Variants in ARHGAP18 observed in about 807,000 individuals in gnomAD.
ARHGAP18 encodes the protein rho GTPase-activating protein 18.
In ARHGAP18, 67 loss-of-function variants were observed where a neutral mutation model predicts 86.2. That is an observed-to-expected ratio of 0.78 (90% CI 0.64 to 0.95). The LOEUF (loss-of-function observed/expected upper bound fraction) is 0.95. Among genes scored for constraint, ARHGAP18 ranks in the 40% least tolerant of loss-of-function variants. The probability of loss-of-function intolerance (pLI) is 0.00; values close to 1 mark genes in which losing one functional copy is unlikely to be tolerated. For synonymous variants in ARHGAP18, 283 were observed against 280.4 expected (o/e 1.01, Z -0.09); for missense variants, 691 against 780.4 (o/e 0.89, Z 1.37).
rs544088921 is a variant in ARHGAP18 at position 129,656,743 on chromosome 6, T to A, written c.114-14725A>T. Among the ~76,000 whole-genome samples the A allele has an allele frequency of 1.7e-3, 266 of 152,348 alleles. 1 individual carries two copies. The highest frequency in any genetic ancestry group is 6.0e-3 in the African/African-American group (251 of 41,582). ...AGTCTTTTGCTATGCCTCATTTTAATTTAATAAAGCTCTCCCAGAGCCAAC... is the reference window on the plus strand; with the variant it reads ...AGTCTTTTGCTATGCCTCATTTTAAATTAATAAAGCTCTCCCAGAGCCAAC... On this transcript the variant is annotated intron_variant, in intron 1 of 14. Coordinates refer to ENST00000368149, the MANE Select transcript of ARHGAP18 (RefSeq NM_033515.3).
At chr6:129,611,403 G>A (rs1788976454) in intron 8 of ARHGAP18, 130 bp downstream of exon 8, 1 of 717,888 alleles carries the variant, frequency 1.4e-6, no homozygotes, top group East Asian at 2.9e-5. Context: ...AATGGTAAAA[G>A]GTTTTATTGT....
At chr6:129,636,510 A>G (rs1773336077) in intron 3 of ARHGAP18, among the ~76,000 whole-genome samples, 1 of 152,248 alleles carries the variant, frequency 6.6e-6, no homozygotes. Context: ...ATACCAGGAT[A>G]GAGACTGGTT....
At chr6:129,589,474 A>G (rs1286398340) in intron 12 of ARHGAP18, among the ~76,000 whole-genome samples, 3 of 152,172 alleles carry the variant, frequency 2.0e-5, no homozygotes, top group Non-Finnish European at 4.4e-5. Context: ...TGTCCACAAC[A>G]CTATCAGCAT....
At chr6:129,668,974 C>T (rs1774095639) in intron 1 of ARHGAP18, among the ~76,000 whole-genome samples, 1 of 152,170 alleles carries the variant, frequency 6.6e-6, no homozygotes, top group African/African-American at 2.4e-5. Flanking sequence ...AAGAACAATA[C>T]CTATCATCTT....
intron 7 of ARHGAP18, among the ~76,000 whole-genome samples, chr6:129,612,245 G>C (rs1398808385): frequency 6.6e-6 from 1 of 152,144 alleles, no homozygotes; most frequent in Non-Finnish European, 1.5e-5. Context: ...AAATTACAAT[G>C]ACTACTGGAG....
chr6:129,588,602 T>G (rs772342799), intron 12 of ARHGAP18, among the ~76,000 whole-genome samples: 1 of 152,178 alleles, frequency 6.6e-6, no homozygotes, highest in African/African-American at 2.4e-5. Flanking sequence ...TCCAGGCACA[T>G]AGCAACAGCT....
At chr6:129,665,535 G>T (rs1774020712) in intron 1 of ARHGAP18, among the ~76,000 whole-genome samples, 1 of 152,154 alleles carries the variant, frequency 6.6e-6, no homozygotes, top group Admixed American at 6.5e-5. Context: ...GGGCAATAGA[G>T]CCAGATCCTG....
rs947620290 is a variant in ARHGAP18 at position 129,657,856 on chromosome 6, G to T, written c.114-15838C>A. Among the ~76,000 whole-genome samples, 20 of 152,304 alleles carry T rather than the reference G, an allele frequency of 1.3e-4. No homozygotes were observed. The East Asian group carries it at 3.7e-3, about 28-fold the overall frequency. On this transcript the variant is annotated intron_variant, in intron 1 of 14. Transcript: ENST00000368149. ...GATGGAGTATGCATGACAGAAAAGA[G>T]ACCGACATTTATTAGCTGCCTCCTA...
intron 13 of ARHGAP18, among the ~76,000 whole-genome samples, chr6:129,583,098 T>C (rs1404365101): frequency 1.3e-5 from 2 of 152,202 alleles, no homozygotes; most frequent in South Asian, 4.1e-4. Flanking sequence ...AGCAGAAAGC[T>C]TGATTGAAGC....
At chr6:129,664,280 C>T (rs1774002100) in intron 1 of ARHGAP18, among the ~76,000 whole-genome samples, 1 of 152,178 alleles carries the variant, frequency 6.6e-6, no homozygotes, top group Non-Finnish European at 1.5e-5. Flanking sequence ...GAACTGATGA[C>T]CAGGTAGGTT....
chr6:129,669,296 C>G (rs1382987915), intron 1 of ARHGAP18, among the ~76,000 whole-genome samples: 7 of 151,946 alleles, frequency 4.6e-5, no homozygotes, highest in East Asian at 2.0e-4. Context: ...CTCAGCCTCC[C>G]GAGTAGCTGG....
chr6:129,591,676 T>G (rs549979049), intron 12 of ARHGAP18, among the ~76,000 whole-genome samples: 50 of 152,332 alleles, frequency 3.3e-4, no homozygotes, highest in African/African-American at 1.2e-3. Flanking sequence ...AGAAATTTAA[T>G]GTCAGACCGG....
At chr6:129,600,458 T>C (rs561753579) in intron 11 of ARHGAP18, among the ~76,000 whole-genome samples, 184 bp downstream of exon 11, 51 of 152,308 alleles carry the variant, frequency 3.3e-4, no homozygotes, top group African/African-American at 1.2e-3. Context: ...AAAGTACTTC[T>C]TACAAGGCAT....
In ARHGAP18 at chr6:129,696,731, C is replaced by T. The variant is rs1774623440; in HGVS notation, c.113+13293G>A. 4.6e-5 allele frequency among the ~76,000 whole-genome samples: 3 copies of T among 65,824 alleles called. No homozygotes were observed. The Admixed American group carries it at 4.6e-4, about 10-fold the overall frequency. 43.2% of individuals were successfully genotyped at this position (65,824 alleles called of 152,430 possible). The stretch of plus-strand genomic sequence containing the variant: ...AAAGCAAGGCTAAGAGATAAATGCA[C>T]ATAGGATACGCATTTATATACAGAT... On this transcript the variant is annotated intron_variant, in intron 1 of 14. Coordinates refer to ENST00000368149, the MANE Select transcript of ARHGAP18 (RefSeq NM_033515.3).
intron 12 of ARHGAP18, among the ~76,000 whole-genome samples, chr6:129,593,076 G>A (rs375492338): frequency 6.6e-6 from 1 of 152,066 alleles, no homozygotes; most frequent in African/African-American, 2.4e-5. Context: ...GCTTTTAGAC[G>A]ATACACACGC....
intron 1 of ARHGAP18, among the ~76,000 whole-genome samples, chr6:129,676,080 T>C (rs568309705): frequency 6.6e-6 from 1 of 152,320 alleles, no homozygotes; most frequent in Non-Finnish European, 1.5e-5. Context: ...AGTGTCAGAC[T>C]CTGATTCTTT....
At chr6:129,582,045 C>T (rs1476383188) in intron 13 of ARHGAP18, among the ~76,000 whole-genome samples, 1 of 151,924 alleles carries the variant, frequency 6.6e-6, no homozygotes, top group Non-Finnish European at 1.5e-5. Flanking sequence ...ATCCAGATTA[C>T]ATCCCCAAGC....
In ARHGAP18 at chr6:129,618,113, C is replaced by A. The variant is rs551271359; in HGVS notation, c.952+574G>T. ...TAAAGCAAGGTACTTACAAAAAAAA[C>A]AAAAAAAAAAAACCACTCCATATTT... On this transcript the variant is annotated intron_variant, in intron 6 of 14. Transcript: ENST00000368149. Among the ~76,000 whole-genome samples the A allele has an allele frequency of 4.1e-3, 542 of 132,356 alleles. 4 individuals are homozygous for A. Among genetic ancestry groups the A allele is most frequent in the African/African-American group, 0.013 (478 of 37,310 alleles). 86.8% of individuals were successfully genotyped at this position (132,356 alleles called of 152,430 possible). A position where few individuals can be genotyped will look rare whatever the true frequency, so the allele number is the denominator to read the frequency against.
intron 12 of ARHGAP18, among the ~76,000 whole-genome samples, chr6:129,592,485 T>C (rs1788536823): frequency 6.6e-6 from 1 of 152,198 alleles, no homozygotes. Context: ...TTTCAGCAAG[T>C]CACGTAAGCT....
Sources: allele counts gnomAD v4.1 joint callset (sites outside exome capture counted in the v4.1 genomes callset), GRCh38; gene constraint gnomAD v4.1.1; transcripts MANE v1.5; gene names NCBI Gene and HGNC (gene_info 2026-07-23, HGNC 2026-07-21).